Variants in MATN4 observed in about 807,000 individuals in gnomAD.
MATN4 encodes the protein matrilin 4, also known as matrilin-4.
MATN4 carries 40 observed loss-of-function variants against 54.6 expected under a neutral mutation model. The observed-to-expected ratio is 0.73, with a 90% CI of 0.57 to 0.95. The LOEUF (loss-of-function observed/expected upper bound fraction) is 0.95, where lower values mean the gene tolerates loss of function less well. Ranked by LOEUF, MATN4 falls within the 40% of genes least tolerant of loss-of-function variation. The pLI is 0.00. For synonymous variants in MATN4, 351 were observed against 345.3 expected, an observed-to-expected ratio of 1.02 and a Z score of -0.18; for missense variants, 810 against 819.1, an observed-to-expected ratio of 0.99 and a Z score of 0.13.
At chr20:45,308,019 G>A in intron 1 of MATN4, 156 bp downstream of exon 1, 2 of 633,472 alleles carry the variant, frequency 3.2e-6, no homozygotes, top group Non-Finnish European at 5.7e-6. Flanking sequence ...TGAGGGTGGG[G>A]GCTCGATTTG....
chr20:45,307,792 C>T (rs149578203), intron 1 of MATN4, among the ~76,000 whole-genome samples: 232 of 152,188 alleles, frequency 1.5e-3, no homozygotes, highest in African/African-American at 5.2e-3. Context: ...ATGGCGATGT[C>T]GTGGCAGGAC....
rs202220465 is a variant in MATN4 at position 45,294,034 on chromosome 20, G to C, written c.1580-19C>G. On this transcript the variant is annotated intron_variant, in intron 8 of 9. Transcript: ENST00000372756. Reference sequence around the variant, plus strand: ...CCCTCCTCTGCAAGCCGGACACAGAGGGTCAGGGGGATGAGAAATTGCCCT... The same window carrying C: ...CCCTCCTCTGCAAGCCGGACACAGACGGTCAGGGGGATGAGAAATTGCCCT... 1,024 of 1,583,310 alleles carry C rather than the reference G, an allele frequency of 6.5e-4. 3 individuals are homozygous for C. Among genetic ancestry groups the C allele is most frequent in the Non-Finnish European group, 6.3e-4 (729 of 1,166,380 alleles).
rs753222832 is a variant in MATN4 at position 45,301,348 on chromosome 20, G to C, written c.739C>G (p.Leu247Val). 6.2e-7 allele frequency: 1 copy of C among 1,614,212 alleles called. No individual in the cohort carries two copies. Among genetic ancestry groups the C allele is most frequent in the South Asian group, 1.1e-5 (1 of 91,088 alleles). The stretch of plus-strand genomic sequence containing the variant: ...CTGCAGCTCCTCTGGTCCTGCTGGA[G>C]TACAAAGCCAACTTGGCAGTGACAG... ...YFCHCQVGFV[L>V]QQDQRSCRAI... Residue 247 changes from leucine (L) to valine (V), a missense_variant, in exon 4 of 10, where the codon CTC (leucine) becomes GTC (valine). Coordinates refer to ENST00000372756, the MANE Select transcript of MATN4 (RefSeq NM_001393530.1).
At chr20:45,295,790 G>A in intron 8 of MATN4, among the ~76,000 whole-genome samples, 1 of 152,202 alleles carries the variant, frequency 6.6e-6, no homozygotes, top group Admixed American at 6.5e-5. Flanking sequence ...TCAACATCTT[G>A]GGGGTTGGGC....
At chr20:45,299,952 TTGG>T (rs200271953) in intron 6 of MATN4, among the ~76,000 whole-genome samples, 1,356 of 124,996 alleles carry the variant, frequency 0.011, 19 homozygotes, top group African/African-American at 0.041. Context: ...AGCAAGAAAA[TTGG>T]TGTGTGTGGG....
Position 45,304,254 on chromosome 20 carries a change from C to A in MATN4, c.617G>T (p.Gly206Val), listed in dbSNP as rs144296032. The change falls in exon 3 of 10, where the codon GGC (glycine) becomes GTC (valine). Residue 206 changes from glycine (G) to valine (V), a missense_variant. Physicochemically the swap from Gly to Val is moderately radical, Grantham distance 109 (BLOSUM62 -3). Coordinates refer to ENST00000372756, the MANE Select transcript of MATN4 (RefSeq NM_001393530.1). ...ACACAGCCGGCTCTGGAACTGCAGG[C>A]CGAACTCCTGGATGAGGTCGAAGGA... is the stretch of plus-strand genomic sequence containing the variant. ...VESFDLIQEFGLQFQSRLCAI... is the reference protein window; with the variant it reads ...VESFDLIQEFVLQFQSRLCAI... 2.7e-5 allele frequency: 41 copies of A among 1,536,366 alleles called. No individual in the cohort carries two copies. The highest frequency in any genetic ancestry group is 3.5e-5 in the Non-Finnish European group (40 of 1,146,154).
At chr20:45,302,116 A>G (rs1986273196) in intron 3 of MATN4, among the ~76,000 whole-genome samples, 2 of 152,188 alleles carry the variant, frequency 1.3e-5, no homozygotes, top group Non-Finnish European at 2.9e-5. Flanking sequence ...TGCATGGAAC[A>G]AGAACAGCAT....
chr20:45,305,802 A>ATTTTTTTTT (rs1050722306), intron 1 of MATN4, among the ~76,000 whole-genome samples, 186 bp from the exon 2 acceptor site: 10 of 12,172 alleles, frequency 8.2e-4, no homozygotes, highest in South Asian at 3.1e-3. Context: ...AACACAAGAG[A>ATTTTTTTTT]TTCTTTTTTT....
In MATN4 at chr20:45,304,477, GCGCGC is replaced by G; in HGVS notation, c.389_393del (p.Gly130AlafsTer36). ...CGCGGCACGCGCTCCTCTGGCGGTC[GCGCGC>G]CCTCGGCCACACTGAAGGCCACGTT... On this transcript the variant is annotated frameshift_variant, in exon 3 of 10. Transcript: ENST00000372756. LOFTEE classifies it high-confidence loss of function. 6.4e-7 allele frequency: 1 copy of G among 1,569,166 alleles called. No homozygotes were observed. The highest frequency in any genetic ancestry group is 8.7e-7 in the Non-Finnish European group (1 of 1,150,136).
At position 45,304,330 on chromosome 20, in the gene MATN4, G is replaced by A; in HGVS notation, c.541C>T (p.Leu181=). ...VGVQRADVGS[L]RAMASPPLDE... is the part of the protein sequence containing the mutation. ...AGCGGGGGCGATGCCATGGCGCGCA[G>A]GGAGCCCACGTCCGCGCGCTGCACC... The change falls in exon 3 of 10, where the codon CTG becomes TTG. Residue 181 remains leucine (L), a synonymous_variant. Coordinates refer to ENST00000372756, the MANE Select transcript of MATN4 (RefSeq NM_001393530.1). 6.6e-7 allele frequency: 1 copy of A among 1,516,870 alleles called. No homozygotes were observed. The highest frequency in any genetic ancestry group is 8.8e-7 in the Non-Finnish European group (1 of 1,134,118). The allele number at this position is 1,516,870 out of a possible 1,614,324, so 94.0% of individuals were successfully genotyped here.
In MATN4 at chr20:45,301,156, G is replaced by T. The variant is rs748952384; in HGVS notation, c.835C>A (p.Arg279=). The change falls in exon 5 of 10, where the codon CGG becomes AGG. Residue 279 remains arginine (R), a synonymous_variant. Coordinates refer to ENST00000372756, the MANE Select transcript of MATN4 (RefSeq NM_001393530.1). ...TCATGGCCCTCTCTGCAGTGGCACC[G>T]TGGCCCACCAGGGGTGCTAACACAC... is the stretch of plus-strand genomic sequence containing the variant. ...HECVSTPGGP[R]CHCREGHDLQ... The T allele has an allele frequency of 3.1e-6, 5 of 1,614,188 alleles. No individual in the cohort carries two copies. Among genetic ancestry groups the T allele is most frequent in the Middle Eastern group, 1.6e-4 (1 of 6,062 alleles).
At position 45,301,442 on chromosome 20, in the gene MATN4, G is replaced by A; in HGVS notation, c.645C>T (p.Ala215=). The change falls in exon 4 of 10, where the codon GCC becomes GCT. Residue 215 remains alanine (A), a splice_region_variant and synonymous_variant. Coordinates refer to ENST00000372756, the MANE Select transcript of MATN4 (RefSeq NM_001393530.1). ...GGGTCCCTTCAGCACACAGATCAAT[G>A]GCTGAGGAAGAAATGGGGTCAGTCT... ...FGLQFQSRLC[A]IDLCAEGTHG... is the part of the protein sequence containing the mutation. 1 of 1,613,338 alleles carries A rather than the reference G, an allele frequency of 6.2e-7. No homozygotes were observed. The highest frequency in any genetic ancestry group is 8.5e-7 in the Non-Finnish European group (1 of 1,179,868).
intron 2 of MATN4, among the ~76,000 whole-genome samples, chr20:45,305,198 A>G (rs1376351917): frequency 1.3e-5 from 2 of 152,266 alleles, no homozygotes; most frequent in East Asian, 3.8e-4. Context: ...ATTGGATGTC[A>G]GCAGATCCCT....
chr20:45,305,395 T>G, intron 2 of MATN4, 115 bp downstream of exon 2: 1 of 725,552 alleles, frequency 1.4e-6, no homozygotes, highest in Non-Finnish European at 2.3e-6. Flanking sequence ...TTAAACCCAG[T>G]CCCATATGTT....
At chr20:45,303,279 G>T (rs1986359392) in intron 3 of MATN4, 6 of 632,580 alleles carry the variant, frequency 9.5e-6, no homozygotes, top group Non-Finnish European at 1.8e-5. Context: ...TGATGGAGGT[G>T]TGCTTTTACT....
chr20:45,294,041 G>A, intron 8 of MATN4, 26 bp from the exon 9 acceptor site: 2 of 1,572,372 alleles, frequency 1.3e-6, no homozygotes, highest in Non-Finnish European at 1.7e-6. Context: ...AGAGGGTCAG[G>A]GGGATGAGAA....
chr20:45,295,057 T>G (rs936886586), intron 8 of MATN4, among the ~76,000 whole-genome samples: 2 of 152,204 alleles, frequency 1.3e-5, no homozygotes, highest in African/African-American at 4.8e-5. Flanking sequence ...TCCCACTGAT[T>G]ATACATTATG....
Position 45,305,629 on chromosome 20 carries a change from A to C in MATN4, c.-34-13T>G, listed in dbSNP as rs374634943. On this transcript the variant is annotated splice_polypyrimidine_tract_variant and intron_variant, in intron 1 of 9. Coordinates refer to ENST00000372756, the MANE Select transcript of MATN4 (RefSeq NM_001393530.1). ...GAGGTGTCAGAGCCTGGAGGGAGGA[A>C]GGAAAATAGAAAAGCAACAGTATTT... The C allele has an allele frequency of 4.0e-4, 553 of 1,383,052 alleles. 1 individual carries two copies. The highest frequency in any genetic ancestry group is 5.0e-4 in the Non-Finnish European group (496 of 993,942). The allele number at this position is 1,383,052 out of a possible 1,614,324, so 85.7% of individuals were successfully genotyped here. A position where few individuals can be genotyped will look rare whatever the true frequency, so the allele number is the denominator to read the frequency against.
At chr20:45,299,877 CAAAAAAAAA>C (rs372123175) in intron 6 of MATN4, among the ~76,000 whole-genome samples, 4 of 4,056 alleles carry the variant, frequency 9.9e-4, no homozygotes, top group Admixed American at 7.4e-3. Flanking sequence ...GACTTAGTCT[CAAAAAAAAA>C]AAAAAAAAAA....
Sources: allele counts gnomAD v4.1 joint callset (sites outside exome capture counted in the v4.1 genomes callset), GRCh38; gene constraint gnomAD v4.1.1; transcripts MANE v1.5; gene names NCBI Gene and HGNC (gene_info 2026-07-23, HGNC 2026-07-21).